LPP: variants seen among roughly 807,000 people sequenced by gnomAD.
The protein encoded by LPP is lipoma-preferred partner.
A neutral mutation model predicts 60.4 loss-of-function variants in LPP; 38 were observed. That is an observed-to-expected ratio of 0.63 (90% confidence interval 0.49 to 0.83). The LOEUF (loss-of-function observed/expected upper bound fraction) is 0.83. Ranked by LOEUF, LPP falls within the 40% of genes least tolerant of loss-of-function variation. LPP has a pLI of 0.00. For missense variants in LPP, 902 were observed against 783.6 expected (o/e 1.15, Z -1.80); for synonymous variants, 328 against 290.8 (o/e 1.13, Z -1.30).
rs1553936333 is a variant in LPP at position 188,592,557 on chromosome 3, G to GTTTTTTTTTTTTTTTTTTTT, written c.430-16598_430-16597insTTTTTTTTTTTTTTTTTTTT. Reference sequence around the variant, plus strand: ...TATCACTGTTTTTAGTTTTGTTTTTGTTTTTTAAATGGAGTCTCACTCTTT... The same window carrying GTTTTTTTTTTTTTTTTTTTT: ...TATCACTGTTTTTAGTTTTGTTTTTGTTTTTTTTTTTTTTTTTTTTTTTTTTAAATGGAGTCTCACTCTTT... On this transcript the variant is annotated intron_variant, in intron 6 of 11. Transcript: ENST00000617246. Among the ~76,000 whole-genome samples the GTTTTTTTTTTTTTTTTTTTT allele has an allele frequency of 4.2e-4, 36 of 85,784 alleles. 1 individual carries two copies. Among genetic ancestry groups the GTTTTTTTTTTTTTTTTTTTT allele is most frequent in the African/African-American group, 1.6e-3 (35 of 22,160 alleles). The allele number at this position is 85,784 out of a possible 152,430, so 56.3% of individuals were successfully genotyped here. A position where few individuals can be genotyped will look rare whatever the true frequency, so the allele number is the denominator to read the frequency against.
intron 10 of LPP, among the ~76,000 whole-genome samples, chr3:188,866,995 G>C (rs1236263776): frequency 6.6e-6 from 1 of 152,004 alleles, no homozygotes; most frequent in Non-Finnish European, 1.5e-5. Flanking sequence ...TCTTTCTCAA[G>C]TTATTTTTTA....
In LPP at chr3:188,443,313, G is replaced by A. The variant is rs559695454; in HGVS notation, c.193+37000G>A. ...AAGAAAGGGCGGAAGCAAGTTCTTG[G>A]CTGCATAGCTTCAGTCTGATGCCAT... On this transcript the variant is annotated intron_variant, in intron 4 of 11. Coordinates refer to ENST00000617246, the MANE Select transcript of LPP (RefSeq NM_001375462.1). Among the ~76,000 whole-genome samples, 92 of 152,350 alleles carry A rather than the reference G, an allele frequency of 6.0e-4. 1 individual carries two copies. The highest frequency in any genetic ancestry group is 2.0e-3 in the African/African-American group (85 of 41,586).
At chr3:188,203,461 A>T in intron 1 of LPP, among the ~76,000 whole-genome samples, 1 of 93,870 alleles carries the variant, frequency 1.1e-5, no homozygotes, top group Non-Finnish European at 1.9e-5. Context: ...ATATATAAAT[A>T]TATATATTTT....
intron 6 of LPP, among the ~76,000 whole-genome samples, chr3:188,549,261 T>TATTAAGGCAGGAAGGC (rs1427627571): frequency 6.6e-6 from 1 of 152,122 alleles, no homozygotes; most frequent in Non-Finnish European, 1.5e-5. Flanking sequence ...GCCTGGAAAA[T>TATTAAGGCAGGAAGGC]ATTAAGTTAG....
chr3:188,323,113 G>A (rs1757417042), intron 2 of LPP, among the ~76,000 whole-genome samples: 1 of 152,168 alleles, frequency 6.6e-6, no homozygotes, highest in African/African-American at 2.4e-5. Flanking sequence ...ATTTGTGCTG[G>A]CTTCCCGGTA....
chr3:188,816,766 A>G (rs1277881774), intron 9 of LPP, among the ~76,000 whole-genome samples: 2 of 152,212 alleles, frequency 1.3e-5, no homozygotes, highest in Non-Finnish European at 2.9e-5. Flanking sequence ...GGATTTGGGA[A>G]CCCAAGACCA....
chr3:188,565,611 A>C (rs1370334449), intron 6 of LPP, among the ~76,000 whole-genome samples: 1 of 151,994 alleles, frequency 6.6e-6, no homozygotes, highest in Admixed American at 6.6e-5. Context: ...TTGCCCATTC[A>C]AAGCTAACAT....
intron 6 of LPP, among the ~76,000 whole-genome samples, chr3:188,599,291 T>A (rs912814403): frequency 2.6e-5 from 4 of 152,128 alleles, no homozygotes; most frequent in African/African-American, 7.2e-5. Flanking sequence ...AAATATTGGA[T>A]TTCTTAGTTT....
intron 7 of LPP, among the ~76,000 whole-genome samples, chr3:188,695,452 C>T (rs925478488): frequency 1.2e-4 from 19 of 152,200 alleles, no homozygotes; most frequent in Admixed American, 6.5e-4. Context: ...ATTTGAAAGA[C>T]ATCCATAGCT....
At position 188,299,979 on chromosome 3, in the gene LPP, T is replaced by C. The variant is rs76169114; in HGVS notation, c.-66-41684T>C. ...CTCTGTAAACAGAAAAATACCTTCC[T>C]ATTTGTAATCTCAACAAAGGGACTT... On this transcript the variant is annotated intron_variant, in intron 2 of 11. Transcript: ENST00000617246. Among the ~76,000 whole-genome samples the C allele has an allele frequency of 5.6e-4, 85 of 152,350 alleles. No individual in the cohort carries two copies. The East Asian group carries it at 0.015, about 26-fold the overall frequency.
chr3:188,512,770 T>C (rs1816189780), intron 5 of LPP, among the ~76,000 whole-genome samples: 1 of 152,106 alleles, frequency 6.6e-6, no homozygotes, highest in Non-Finnish European at 1.5e-5. Context: ...GATGAGCTAA[T>C]GTATAAAGTT....
At position 188,884,719 on chromosome 3, in the gene LPP, C is replaced by T; in HGVS notation, c.*10240C>T. The T allele has an allele frequency of 4.4e-6, 1 of 226,964 alleles. No homozygotes were observed. 14.1% of individuals were successfully genotyped at this position (226,964 alleles called of 1,614,324 possible). A position where few individuals can be genotyped will look rare whatever the true frequency, so the allele number is the denominator to read the frequency against. On this transcript the variant is annotated 3_prime_UTR_variant, in exon 12 of 12. Transcript: ENST00000617246. ...CGATTCCTAAAAGAAGCCTCTCTCC[C>T]ATGAACCACGATGTACGTTCCACAG...
intron 9 of LPP, among the ~76,000 whole-genome samples, chr3:188,786,426 A>G (rs138778822): frequency 2.0e-5 from 3 of 148,516 alleles, no homozygotes; most frequent in African/African-American, 7.4e-5. Flanking sequence ...CCATCAGTGC[A>G]GAAGAGGATG....
At chr3:188,531,560 C>G (rs1822181699) in intron 6 of LPP, among the ~76,000 whole-genome samples, 1 of 152,132 alleles carries the variant, frequency 6.6e-6, no homozygotes, top group Non-Finnish European at 1.5e-5. Flanking sequence ...GAATGAATAA[C>G]AAATCATGCC....
chr3:188,663,470 T>C (rs1261753556), intron 7 of LPP, among the ~76,000 whole-genome samples: 1 of 152,210 alleles, frequency 6.6e-6, no homozygotes, highest in Admixed American at 6.5e-5. Context: ...AAGTTTTTAC[T>C]TTTCTTTTCT....
chr3:188,613,763 A>G (rs966759719), intron 7 of LPP, among the ~76,000 whole-genome samples: 5 of 152,000 alleles, frequency 3.3e-5, no homozygotes, highest in African/African-American at 9.7e-5. Context: ...TGGGTCAGAG[A>G]AGAGTGTAGA....
At chr3:188,249,252 G>A (rs1378679911) in intron 2 of LPP, among the ~76,000 whole-genome samples, 1 of 152,076 alleles carries the variant, frequency 6.6e-6, no homozygotes, top group Non-Finnish European at 1.5e-5. Flanking sequence ...TTAAACATTA[G>A]CTGGCATGGT....
At chr3:188,398,719 C>T (rs1317932535) in intron 3 of LPP, among the ~76,000 whole-genome samples, 1 of 152,232 alleles carries the variant, frequency 6.6e-6, no homozygotes, top group Non-Finnish European at 1.5e-5. Flanking sequence ...TCCCACGCCT[C>T]CACCACATGC....
chr3:188,188,273 G>A (rs1413685734), intron 1 of LPP, among the ~76,000 whole-genome samples: 2 of 152,166 alleles, frequency 1.3e-5, no homozygotes, highest in Non-Finnish European at 2.9e-5. Context: ...GAAAGGAGCA[G>A]TAAGAATTGG....
Sources: allele counts gnomAD v4.1 joint callset (sites outside exome capture counted in the v4.1 genomes callset), GRCh38; gene constraint gnomAD v4.1.1; transcripts MANE v1.5; gene names NCBI Gene and HGNC (gene_info 2026-07-23, HGNC 2026-07-21).